Variants in CEP290 observed in about 807,000 individuals in gnomAD.
CEP290 encodes centrosomal protein 290.
A neutral mutation model predicts 344.9 loss-of-function variants in CEP290; 317 were observed. That is an observed-to-expected ratio of 0.92 (90% CI 0.84 to 1.01). The LOEUF (loss-of-function observed/expected upper bound fraction) is 1.01, where lower values mean the gene tolerates loss of function less well. Ranked by LOEUF, CEP290 falls within the 50% of genes least tolerant of loss-of-function variation. CEP290 has a pLI of 0.00. For missense variants in CEP290, 2,754 were observed against 2,761.4 expected (o/e 1.00, Z 0.06); for synonymous variants, 932 against 895.8 (o/e 1.04, Z -0.72).
chr12:88,102,958 A>C lies in CEP290; in HGVS notation c.2871T>G (p.Val957=). The C allele has an allele frequency of 1.3e-6, 2 of 1,594,432 alleles. No homozygotes were observed. The highest frequency in any genetic ancestry group is 2.3e-5 in the South Asian group (2 of 85,488). The part of the protein sequence containing the change: ...AALQKVVDNS[V]SLSELELANK... ...TAGCCAGTTCTAGTTCAGACAAAGA[A>C]ACACTATTATCTACAACTTTTTGGA... Residue 957 remains valine (V), a synonymous_variant, in exon 26 of 54, where the codon GTT becomes GTG. Transcript: ENST00000552810.
At chr12:88,136,934 T>A (rs1463053955) in intron 5 of CEP290, 148 bp from the exon 6 acceptor site, 1 of 768,164 alleles carries the variant, frequency 1.3e-6, no homozygotes, top group Non-Finnish European at 2.1e-6. Flanking sequence ...AAGAACTTTT[T>A]TTTTTTTAAT....
chr12:88,115,500 T>C (rs984621067), intron 18 of CEP290: 2 of 1,299,844 alleles, frequency 1.5e-6, no homozygotes, highest in African/African-American at 1.5e-5. Context: ...GCTTCTGTGA[T>C]GTTCAAGCTC....
chr12:88,091,737 T>C (rs1565850996), intron 29 of CEP290, among the ~76,000 whole-genome samples: 2 of 152,004 alleles, frequency 1.3e-5, no homozygotes, highest in Non-Finnish European at 2.9e-5. Flanking sequence ...AAGAGAACTA[T>C]CAAGGCTCCA....
intron 3 of CEP290, 80 bp downstream of exon 3, chr12:88,140,876 A>G (rs1180307475): frequency 1.1e-6 from 1 of 880,500 alleles, no homozygotes; most frequent in East Asian, 2.9e-5. Context: ...GTATTTTCAC[A>G]AAGATTACCT....
chr12:88,093,801 C>A lies in CEP290; in HGVS notation c.3278G>T (p.Arg1093Leu). The change falls in exon 28 of 54, where the codon CGT becomes CTT. Residue 1093 changes from arginine to leucine, a missense_variant. Physicochemically the swap from Arg to Leu is moderately radical, Grantham distance 102 (BLOSUM62 -2). Coordinates refer to ENST00000552810, the MANE Select transcript of CEP290 (RefSeq NM_025114.4). ...LRTSLKQMEERNFELETKFAE... is the reference protein window; with the variant it reads ...LRTSLKQMEELNFELETKFAE... ...AAATTTGGTTTCCAATTCAAAATTA[C>A]GTTCCTCCATTTGCTTTAACGAAGT... 6.2e-7 allele frequency: 1 copy of A among 1,610,926 alleles called. No homozygotes were observed. The highest frequency in any genetic ancestry group is 8.5e-7 in the Non-Finnish European group (1 of 1,178,282).
chr12:88,112,637 C>T (rs2038773254), intron 20 of CEP290, among the ~76,000 whole-genome samples: 1 of 151,926 alleles, frequency 6.6e-6, no homozygotes, highest in Admixed American at 6.6e-5. Context: ...CAAAGTAAGT[C>T]TTAAAAAGTG....
Position 88,107,101 on chromosome 12 carries a change from A to G in CEP290, c.2484-3T>C. ...CTGTTTTCCAGGTCTCCTTTTCACT[A>G]AAAACAAAACAAAACAAAAAGACAA... On this transcript the variant is annotated splice_region_variant and splice_polypyrimidine_tract_variant and intron_variant, in intron 23 of 53. Coordinates refer to ENST00000552810, the MANE Select transcript of CEP290 (RefSeq NM_025114.4). 1 of 1,497,778 alleles carries G rather than the reference A, an allele frequency of 6.7e-7. No individual in the cohort carries two copies. The highest frequency in any genetic ancestry group is 1.3e-5 in the South Asian group (1 of 77,678). 92.8% of individuals were successfully genotyped at this position (1,497,778 alleles called of 1,614,324 possible).
rs927582388 is a variant in CEP290, at chr12:88,100,803, A to T, written c.2991+2035T>A. ...AAAGGTAATGCCTGAACAAGTTTTG[A>T]AACAGGAATAGAAATTCACTGAGCA... On this transcript the variant is annotated intron_variant, in intron 26 of 53. Transcript: ENST00000552810. 2.0e-5 allele frequency among the ~76,000 whole-genome samples: 3 copies of T among 152,208 alleles called. No individual in the cohort carries two copies. The East Asian group carries it at 5.8e-4, about 29-fold the overall frequency.
In CEP290 at chr12:88,109,157, ACTTTT is replaced by A. The variant is rs1318254269; in HGVS notation, c.2387_2391del (p.Lys796IlefsTer9). 1 of 1,357,286 alleles carries A rather than the reference ACTTTT, an allele frequency of 7.4e-7. No individual in the cohort carries two copies. The highest frequency in any genetic ancestry group is 1.0e-6 in the Non-Finnish European group (1 of 1,004,358). The allele number at this position is 1,357,286 out of a possible 1,614,324, so 84.1% of individuals were successfully genotyped here. On this transcript the variant is annotated frameshift_variant, in exon 23 of 54. Transcript: ENST00000552810. LOFTEE classifies it high-confidence loss of function. ...TCAAGAGAATCTTCTAAATTCTTTAACTTTTTTTCTTTATTTTCTAGTTCCTGAAA... is the reference window on the plus strand; with the variant it reads ...TCAAGAGAATCTTCTAAATTCTTTAATTTCTTTATTTTCTAGTTCCTGAAA...
In CEP290 at chr12:88,114,480, A is replaced by G. The variant is rs1430141121; in HGVS notation, c.1992T>C (p.Asp664=). The change falls in exon 20 of 54, where the codon GAT becomes GAC. Residue 664 remains aspartate, a synonymous_variant. Transcript: ENST00000552810. ...ILQAIKEMQK[D]PDVKGGETSL... is the part of the protein sequence containing the mutation. The stretch of plus-strand genomic sequence containing the variant: ...ATGTTTCTCCTCCTTTAACATCAGG[A>G]TCTTTCTGCATTTCCTTAATTGCTT... The G allele has an allele frequency of 1.3e-6, 2 of 1,548,302 alleles. No individual in the cohort carries two copies. Among genetic ancestry groups the G allele is most frequent in the Non-Finnish European group, 1.7e-6 (2 of 1,145,536 alleles).
At chr12:88,122,930 A>T (rs868017176) in intron 13 of CEP290, among the ~76,000 whole-genome samples, 2 of 152,014 alleles carry the variant, frequency 1.3e-5, no homozygotes, top group African/African-American at 4.8e-5. Flanking sequence ...ATCTTCTCCT[A>T]TCCTCACCTT....
chr12:88,131,549 C>T (rs1360934361), intron 6 of CEP290, among the ~76,000 whole-genome samples: 1 of 152,060 alleles, frequency 6.6e-6, no homozygotes, highest in African/African-American at 2.4e-5. Flanking sequence ...AGACATGAGC[C>T]ACTGTGCCTG....
chr12:88,133,789 CATT>C (rs1337632836), intron 6 of CEP290, among the ~76,000 whole-genome samples: 1 of 152,172 alleles, frequency 6.6e-6, no homozygotes, highest in African/African-American at 2.4e-5. Context: ...GTTTGCCTAT[CATT>C]ATTATTATCA....
Position 88,133,625 on chromosome 12 carries a change from G to A in CEP290, c.442-2407C>T, listed in dbSNP as rs149981477. The stretch of plus-strand genomic sequence containing the variant: ...GGTATTTCTGCTTCTAGATCTTCGA[G>A]GAATTGCCACACTGTCTCCCACAAT... On this transcript the variant is annotated intron_variant, in intron 6 of 53. Coordinates refer to ENST00000552810, the MANE Select transcript of CEP290 (RefSeq NM_025114.4). Among the ~76,000 whole-genome samples, 1,140 of 152,150 alleles carry A rather than the reference G, an allele frequency of 7.5e-3. 19 individuals are homozygous for A. Among genetic ancestry groups the A allele is most frequent in the African/African-American group, 0.026 (1,094 of 41,512 alleles).
Position 88,064,010 on chromosome 12 carries a change from G to C in CEP290, c.6241C>G (p.Gln2081Glu). Residue 2081 changes from glutamine (Q) to glutamate (E), a missense_variant, in exon 45 of 54, where the codon CAA (glutamine) becomes GAA (glutamate). By Grantham distance (29) the Gln-to-Glu change is conservative (BLOSUM62 2). Transcript: ENST00000552810. Reference protein sequence around the residue: ...ENIELKFQLEQANKDLPRLKN... With the variant: ...ENIELKFQLEEANKDLPRLKN... ...AATCTTGGCAAATCTTTATTTGCTT[G>C]TTCAAGCTGAAATTTCAGTTCAATA... The C allele has an allele frequency of 6.3e-7, 1 of 1,598,188 alleles. No homozygotes were observed. The highest frequency in any genetic ancestry group is 8.5e-7 in the Non-Finnish European group (1 of 1,172,286).
chr12:88,100,192 C>G (rs2037767650), intron 26 of CEP290, among the ~76,000 whole-genome samples: 1 of 151,896 alleles, frequency 6.6e-6, no homozygotes, highest in African/African-American at 2.4e-5. Flanking sequence ...ATCGCTTGAA[C>G]CTGGGAGGCA....
chr12:88,126,290 TAAAC>T (rs1232897293), intron 12 of CEP290, 22 bp downstream of exon 12: 2 of 1,429,464 alleles, frequency 1.4e-6, no homozygotes, highest in Non-Finnish European at 1.8e-6. Flanking sequence ...AACTGGTTGA[TAAAC>T]AAAATTCTGT....
rs2033940610 is a variant in CEP290, at chr12:88,055,671, T to C, written c.6865A>G (p.Lys2289Glu). ...TTAAGGTCAGTAATGCTTTGATTTTTTTTGGCAATATCAGTTTCCAATTCT... is the reference window on the plus strand; with the variant it reads ...TTAAGGTCAGTAATGCTTTGATTTTCTTTGGCAATATCAGTTTCCAATTCT... ...LKELETDIAK[K>E]NQSITDLKQL... Residue 2289 changes from lysine (K) to glutamate (E), a missense_variant, in exon 50 of 54, where the codon AAA (lysine) becomes GAA (glutamate). By Grantham distance (56) the Lys-to-Glu change is moderately conservative (BLOSUM62 1). Coordinates refer to ENST00000552810, the MANE Select transcript of CEP290 (RefSeq NM_025114.4). 1 of 1,554,586 alleles carries C rather than the reference T, an allele frequency of 6.4e-7. No individual in the cohort carries two copies. Among genetic ancestry groups the C allele is most frequent in the Non-Finnish European group, 8.7e-7 (1 of 1,150,120 alleles).
intron 1 of CEP290, among the ~76,000 whole-genome samples, 158 bp downstream of exon 1, chr12:88,141,742 G>C (rs1034212268): frequency 2.0e-5 from 3 of 152,196 alleles, no homozygotes; most frequent in African/African-American, 7.2e-5. Flanking sequence ...CATTTGGAAT[G>C]AGTGAAGTTG....
Sources: gnomAD v4.1 joint callset for allele counts (sites outside exome capture counted in the v4.1 genomes callset) on GRCh38, gnomAD v4.1.1 for gene constraint, MANE v1.5 for transcripts, NCBI Gene and HGNC (gene_info 2026-07-23, HGNC 2026-07-21) for gene names.